Variants in LRMDA observed in about 807,000 individuals in gnomAD.
LRMDA encodes the protein leucine rich melanocyte differentiation associated.
In LRMDA, 18 loss-of-function variants were observed where a neutral mutation model predicts 29.8. The ratio of observed to expected loss-of-function variants is 0.60; its 90% CI spans 0.42 to 0.90. The LOEUF is 0.90. LRMDA is among the 40% of genes least tolerant of loss of function. The pLI, the probability that LRMDA is intolerant of heterozygous loss-of-function variation, is 0.00. For synonymous variants in LRMDA, 125 were observed against 109.4 expected (o/e 1.14, Z -0.89); for missense variants, 273 against 273.9 (o/e 1.00, Z 0.02).
chr10:76,088,721 C>G (rs1849181265), intron 5 of LRMDA, among the ~76,000 whole-genome samples: 1 of 152,174 alleles, frequency 6.6e-6, no homozygotes, highest in Non-Finnish European at 1.5e-5. Flanking sequence ...TGTACTGATT[C>G]TGGAGGCAAT....
chr10:75,671,352 C>A, intron 2 of LRMDA, among the ~76,000 whole-genome samples: 1 of 152,266 alleles, frequency 6.6e-6, no homozygotes, highest in East Asian at 1.9e-4. Flanking sequence ...TTGGTCATAA[C>A]CCCAGATATC....
chr10:75,934,602 A>G (rs188103346), intron 2 of LRMDA, among the ~76,000 whole-genome samples: 7 of 152,308 alleles, frequency 4.6e-5, no homozygotes, highest in Non-Finnish European at 7.4e-5. Flanking sequence ...CAGTGAGGGC[A>G]TAAAGGGTGT....
chr10:75,525,962 C>T (rs1466422342), intron 2 of LRMDA, among the ~76,000 whole-genome samples: 1 of 151,860 alleles, frequency 6.6e-6, no homozygotes, highest in Non-Finnish European at 1.5e-5. Flanking sequence ...TTGTAAAACT[C>T]CTTGAAGATA....
intron 2 of LRMDA, among the ~76,000 whole-genome samples, chr10:75,962,002 A>G (rs1472605283): frequency 6.6e-6 from 1 of 152,132 alleles, no homozygotes. Flanking sequence ...CCCCGTGTGC[A>G]TGTCTGTATC....
intron 2 of LRMDA, among the ~76,000 whole-genome samples, chr10:75,848,431 C>T (rs1047853414): frequency 1.3e-5 from 2 of 152,156 alleles, no homozygotes; most frequent in African/African-American, 2.4e-5. Context: ...AGGCCCATTG[C>T]TTCACTGGGT....
intron 5 of LRMDA, among the ~76,000 whole-genome samples, chr10:76,249,953 C>T (rs1164273340): frequency 6.6e-6 from 1 of 152,184 alleles, no homozygotes; most frequent in Non-Finnish European, 1.5e-5. Context: ...CAGGCATGTG[C>T]CACCACGCCT....
intron 2 of LRMDA, among the ~76,000 whole-genome samples, chr10:75,781,895 G>T (rs1275250779): frequency 1.3e-5 from 2 of 152,184 alleles, no homozygotes; most frequent in African/African-American, 2.4e-5. Context: ...TCACACCCAG[G>T]TTTTCTCTCT....
chr10:75,528,729 T>C (rs1376655752), intron 2 of LRMDA, among the ~76,000 whole-genome samples: 1 of 152,036 alleles, frequency 6.6e-6, no homozygotes, highest in Non-Finnish European at 1.5e-5. Context: ...ACCTCTAGCA[T>C]GAATGACAGA....
chr10:75,454,019 A>G (rs569992167), intron 2 of LRMDA, among the ~76,000 whole-genome samples: 57 of 152,346 alleles, frequency 3.7e-4, no homozygotes, highest in African/African-American at 1.3e-3. Flanking sequence ...CCATGTAGAA[A>G]TGTCATTGGA....
At chr10:75,725,221 G>A (rs1842617125) in intron 2 of LRMDA, among the ~76,000 whole-genome samples, 1 of 152,168 alleles carries the variant, frequency 6.6e-6, no homozygotes, top group South Asian at 2.1e-4. Flanking sequence ...AAAGGCCAGT[G>A]CCACTTTTAT....
intron 5 of LRMDA, among the ~76,000 whole-genome samples, chr10:76,200,298 C>A (rs1214288872): frequency 6.6e-6 from 1 of 152,164 alleles, no homozygotes; most frequent in African/African-American, 2.4e-5. Context: ...AGGCATACAT[C>A]TGAATGTATG....
At chr10:76,240,763 G>GAGATAGAT (rs55944717) in intron 5 of LRMDA, among the ~76,000 whole-genome samples, 18,060 of 143,790 alleles carry the variant, frequency 0.13, 1,261 homozygotes, top group Admixed American at 0.16. Context: ...AAGAAAATGT[G>GAGATAGAT]AGATAGATAG....
chr10:75,674,528 G>A (rs981376703), intron 2 of LRMDA, among the ~76,000 whole-genome samples: 1 of 151,768 alleles, frequency 6.6e-6, no homozygotes, highest in Non-Finnish European at 1.5e-5. Context: ...CTCTAACTAA[G>A]TGTTATCACC....
In LRMDA at chr10:76,051,748, C is replaced by T. The variant is rs1848534591; in HGVS notation, c.398+4445C>T. On this transcript the variant is annotated intron_variant, in intron 4 of 6. Coordinates refer to ENST00000611255, the MANE Select transcript of LRMDA (RefSeq NM_001305581.2). ...CACAGCATAGATAGAAAAACTGAGGCTCAGAAAGGCAGCAGAGACTGAACC... is the reference window on the plus strand; with the variant it reads ...CACAGCATAGATAGAAAAACTGAGGTTCAGAAAGGCAGCAGAGACTGAACC... 2.6e-5 allele frequency among the ~76,000 whole-genome samples: 4 copies of T among 152,140 alleles called. No individual in the cohort carries two copies. In the South Asian group the frequency reaches 8.3e-4, roughly 32 times the overall value.
At chr10:75,843,166 AT>A (rs1239103863) in intron 2 of LRMDA, among the ~76,000 whole-genome samples, 5 of 152,222 alleles carry the variant, frequency 3.3e-5, no homozygotes, top group Non-Finnish European at 5.9e-5. Flanking sequence ...GCTTTTAAGA[AT>A]GTTTGAAGAG....
intron 4 of LRMDA, among the ~76,000 whole-genome samples, chr10:76,051,542 CTTTA>C (rs1848531602): frequency 6.6e-6 from 1 of 152,162 alleles, no homozygotes; most frequent in Non-Finnish European, 1.5e-5. Context: ...ACTCTGTGGT[CTTTA>C]TTGACTTTCT....
At chr10:76,055,063 C>CAAAAAAAAAAAAA (rs531729040) in intron 4 of LRMDA, among the ~76,000 whole-genome samples, 32 of 45,898 alleles carry the variant, frequency 7.0e-4, no homozygotes, top group South Asian at 1.3e-3. Context: ...GACTCCATCT[C>CAAAAAAAAAAAAA]AAAAAAAAAA....
At chr10:75,922,997 C>G (rs1846051321) in intron 2 of LRMDA, among the ~76,000 whole-genome samples, 1 of 152,184 alleles carries the variant, frequency 6.6e-6, no homozygotes, top group South Asian at 2.1e-4. Flanking sequence ...CTAAGGGATA[C>G]TGATACTATT....
At chr10:75,712,456 G>A (rs1295411536) in intron 2 of LRMDA, among the ~76,000 whole-genome samples, 2 of 151,142 alleles carry the variant, frequency 1.3e-5, no homozygotes, top group African/African-American at 4.9e-5. Context: ...TGGGGGGGTG[G>A]TGTGGGGTCC....
Sources: gnomAD v4.1 joint callset for allele counts (sites outside exome capture counted in the v4.1 genomes callset) on GRCh38, gnomAD v4.1.1 for gene constraint, MANE v1.5 for transcripts, NCBI Gene and HGNC (gene_info 2026-07-23, HGNC 2026-07-21) for gene names.